DYSF: variants seen among roughly 807,000 people sequenced by gnomAD.
The protein encoded by DYSF is dysferlin.
DYSF carries 212 observed loss-of-function variants against 274.9 expected under a neutral mutation model. That is an observed-to-expected ratio of 0.77 (90% CI 0.69 to 0.86). The LOEUF is 0.86. Ranked by LOEUF, DYSF falls within the 40% of genes least tolerant of loss-of-function variation. DYSF has a pLI of 0.00. For missense variants in DYSF, 2,666 were observed against 2,783.2 expected (o/e 0.96, Z 0.95); for synonymous variants, 1,091 against 1,078.7 (o/e 1.01, Z -0.22).
At chr2:71,655,403 G>A (rs227784) in intron 42 of DYSF, among the ~76,000 whole-genome samples, 127,776 of 152,204 alleles carry the variant, frequency 0.84, 53,757 homozygotes, top group Middle Eastern at 0.87. Context: ...AATAATATTT[G>A]GAAAGATGAT....
chr2:71,493,234 T>G (rs2084031036), intron 3 of DYSF, among the ~76,000 whole-genome samples: 1 of 152,156 alleles, frequency 6.6e-6, no homozygotes, highest in South Asian at 2.1e-4. Flanking sequence ...CCAGTCATGT[T>G]AATGGATGAA....
chr2:71,553,348 G>A (rs1245650263), intron 20 of DYSF, among the ~76,000 whole-genome samples, 160 bp downstream of exon 20: 2 of 152,154 alleles, frequency 1.3e-5, no homozygotes, highest in African/African-American at 4.8e-5. Context: ...TCTCCTCCAG[G>A]CAAGGGGCCC....
intron 36 of DYSF, among the ~76,000 whole-genome samples, chr2:71,606,771 C>T (rs1254137879): frequency 1.3e-5 from 2 of 152,006 alleles, no homozygotes; most frequent in African/African-American, 4.8e-5. Context: ...TGAATTAGGC[C>T]CTAAAAATGG....
Position 71,481,920 on chromosome 2 carries a change from C to A in DYSF, c.189C>A (p.Gly63=). 6.2e-7 allele frequency: 1 copy of A among 1,614,160 alleles called. No individual in the cohort carries two copies. Among genetic ancestry groups the A allele is most frequent in the Non-Finnish European group, 8.5e-7 (1 of 1,180,020 alleles). ...TCAAGGGCATCCCCCTGGACCAGGG[C>A]TCTGAGCTTCATGTGGTGGTCAAAG... is the stretch of plus-strand genomic sequence containing the variant. ...WDLKGIPLDQ[G]SELHVVVKDH... Residue 63 remains glycine (G), a synonymous_variant, in exon 3 of 56, where the codon GGC becomes GGA. Transcript: ENST00000410020.
chr2:71,600,809 G>T lies in DYSF; in HGVS notation c.3864G>T (p.Leu1288=). ...GGGGCAGCCAGCCGTCGGGGGAGCT[G>T]CTGGCCTCTTTTGAGCTCATCCAGA... ...LTRGSQPSGE[L]LASFELIQRE... is the part of the protein sequence containing the mutation. Residue 1288 remains leucine (L), a synonymous_variant, in exon 34 of 56, where the codon CTG becomes CTT. Coordinates refer to ENST00000410020, the MANE Select transcript of DYSF (RefSeq NM_001130987.2). The T allele has an allele frequency of 6.2e-7, 1 of 1,613,072 alleles. No homozygotes were observed. Among genetic ancestry groups the T allele is most frequent in the Non-Finnish European group, 8.5e-7 (1 of 1,180,016 alleles).
intron 7 of DYSF, 149 bp from the exon 8 acceptor site, chr2:71,515,474 G>A (rs1049369317): frequency 1.5e-5 from 18 of 1,171,812 alleles, no homozygotes; most frequent in African/African-American, 1.4e-4. Context: ...ATGATAGTTC[G>A]TATAATGCTC....
intron 24 of DYSF, among the ~76,000 whole-genome samples, chr2:71,566,737 G>C (rs113064128): frequency 0.027 from 4,085 of 152,284 alleles, 71 homozygotes; most frequent in Non-Finnish European, 0.041. Context: ...GAGGACAGCC[G>C]AAGCGAACAG....
rs142776870 is a variant in DYSF at position 71,612,768 on chromosome 2, C to A, written c.4349C>A (p.Pro1450His). 1.2e-4 allele frequency: 189 copies of A among 1,614,014 alleles called. No homozygotes were observed. Among genetic ancestry groups the A allele is most frequent in the Non-Finnish European group, 1.5e-4 (176 of 1,180,012 alleles). ...IRSLESFLCDPYSAESPSPQG... is the reference protein window; with the variant it reads ...IRSLESFLCDHYSAESPSPQG... The stretch of plus-strand genomic sequence containing the variant: ...TCCCTGGAGAGCTTCCTGTGTGACC[C>A]CTACTCGGCGGAGAGTCCATCCCCA... Residue 1450 changes from proline to histidine, a missense_variant, in exon 39 of 56, where the codon CCC (proline) becomes CAC (histidine). Physicochemically the swap from Pro to His is moderately conservative, Grantham distance 77. Coordinates refer to ENST00000410020, the MANE Select transcript of DYSF (RefSeq NM_001130987.2).
At chr2:71,530,153 T>G (rs1263498665) in intron 14 of DYSF, among the ~76,000 whole-genome samples, 1 of 145,570 alleles carries the variant, frequency 6.9e-6, no homozygotes, top group African/African-American at 2.5e-5. Flanking sequence ...GCGCCTGGCA[T>G]CAGGAGGAAT....
chr2:71,511,899 G>T lies in DYSF; in HGVS notation c.438G>T (p.Leu146=). ...PPTPLEPSPT[L]PDLDVVAGGG... ...CTCCTCTGGAGCCCTCCCCGACTCTGCCTGACCTGGATGTAGTGGCAGGTG... is the reference window on the plus strand; with the variant it reads ...CTCCTCTGGAGCCCTCCCCGACTCTTCCTGACCTGGATGTAGTGGCAGGTG... The change falls in exon 5 of 56, where the codon CTG becomes CTT. Residue 146 remains leucine, a synonymous_variant. Transcript: ENST00000410020. 6.4e-7 allele frequency: 1 copy of T among 1,550,796 alleles called. No homozygotes were observed. The highest frequency in any genetic ancestry group is 8.7e-7 in the Non-Finnish European group (1 of 1,146,446).
intron 41 of DYSF, among the ~76,000 whole-genome samples, chr2:71,636,580 C>T (rs2094407232): frequency 6.6e-6 from 1 of 152,060 alleles, no homozygotes; most frequent in Admixed American, 6.6e-5. Flanking sequence ...CAGGGATGTT[C>T]AGAGATAGGA....
chr2:71,602,613 C>A (rs2093572842), intron 35 of DYSF, 163 bp from the exon 36 acceptor site: 6 of 679,726 alleles, frequency 8.8e-6, no homozygotes, highest in Non-Finnish European at 1.6e-5. Context: ...ATCATTCTTA[C>A]CCTTGGTGGG....
intron 12 of DYSF, among the ~76,000 whole-genome samples, chr2:71,521,257 T>G (rs2087240905): frequency 6.6e-6 from 1 of 152,242 alleles, no homozygotes; most frequent in Non-Finnish European, 1.5e-5. Context: ...TGTATCATGC[T>G]CATCTCCACA....
intron 52 of DYSF, among the ~76,000 whole-genome samples, chr2:71,676,661 CTGAG>C (rs1195633150): frequency 1.3e-5 from 2 of 151,612 alleles, no homozygotes; most frequent in African/African-American, 2.4e-5. Context: ...TTTTTACTGA[CTGAG>C]TAAATCATGT....
Position 71,516,055 on chromosome 2 carries a change from C to T in DYSF, c.889-125C>T, listed in dbSNP as rs947328817. 5.9e-6 allele frequency: 6 copies of T among 1,023,424 alleles called. No individual in the cohort carries two copies. In the African/African-American group the frequency reaches 9.5e-5, roughly 16 times the overall value. The allele number at this position is 1,023,424 out of a possible 1,614,324, so 63.4% of individuals were successfully genotyped here. A position where few individuals can be genotyped will look rare whatever the true frequency, so the allele number is the denominator to read the frequency against. ...ACTTGTCCAATCCCCAGAACTGTGCCCAATCCACATTTTCTGAGGGGACTA... is the reference window on the plus strand; with the variant it reads ...ACTTGTCCAATCCCCAGAACTGTGCTCAATCCACATTTTCTGAGGGGACTA... On this transcript the variant is annotated intron_variant, in intron 8 of 55. Transcript: ENST00000410020.
At chr2:71,518,422 G>GTTTT (rs573031688) in intron 10 of DYSF, among the ~76,000 whole-genome samples, 16,585 of 135,706 alleles carry the variant, frequency 0.12, 1,027 homozygotes, top group Non-Finnish European at 0.13. Flanking sequence ...ACGCCTGGCA[G>GTTTT]TTTTTTTTTT....
Position 71,520,208 on chromosome 2 carries a change from C to A in DYSF, c.1033C>A (p.Arg345=). The A allele has an allele frequency of 6.2e-7, 1 of 1,614,164 alleles. No individual in the cohort carries two copies. Residue 345 remains arginine (R), a splice_region_variant and synonymous_variant, in exon 11 of 56, where the codon CGG becomes AGG. Transcript: ENST00000410020. The part of the protein sequence containing the change: ...MDVGTIYREP[R]HAYLRKWLLL... ...CGTGGGCACCATTTACAGAGAGCCC[C>A]GTGAGTTCTCACCACTTTGGCCGTA...
At chr2:71,568,734 A>C (rs1190315447) in intron 26 of DYSF, among the ~76,000 whole-genome samples, 1 of 150,956 alleles carries the variant, frequency 6.6e-6, no homozygotes, top group African/African-American at 2.4e-5. Context: ...CTAATTTTTA[A>C]ATTTTTTGTA....
At chr2:71,520,086 C>T (rs1299921651) in intron 10 of DYSF, 92 bp from the exon 11 acceptor site, 1 of 1,483,364 alleles carries the variant, frequency 6.7e-7, no homozygotes, top group South Asian at 1.1e-5. Context: ...TCTTCAAAAA[C>T]ATGGTTTTTA....
Sources: allele counts gnomAD v4.1 joint callset (sites outside exome capture counted in the v4.1 genomes callset), GRCh38; gene constraint gnomAD v4.1.1; transcripts MANE v1.5; gene names NCBI Gene and HGNC (gene_info 2026-07-23, HGNC 2026-07-21).